The following COL14A1 variants were observed in gnomAD, a reference collection of about 807,000 sequenced individuals.
COL14A1 encodes the protein collagen type XIV alpha 1 chain.
COL14A1 carries 136 observed loss-of-function variants against 230.3 expected under a neutral mutation model. The ratio of observed to expected loss-of-function variants is 0.59; its 90% CI spans 0.51 to 0.68. COL14A1 has a LOEUF of 0.68. Ranked by LOEUF, COL14A1 falls within the 30% of genes least tolerant of loss-of-function variation. COL14A1 has a pLI of 0.00. For missense variants in COL14A1, 1,976 were observed against 2,215.8 expected (o/e 0.89, Z 2.17); for synonymous variants, 792 against 784.1 (o/e 1.01, Z -0.17).
intron 13 of COL14A1, among the ~76,000 whole-genome samples, chr8:120,215,811 T>A (rs1349748901): frequency 6.6e-6 from 1 of 152,118 alleles, no homozygotes; most frequent in African/African-American, 2.4e-5. Flanking sequence ...TTCCATTTGC[T>A]CAGAGGGGAA....
At chr8:120,308,585 T>C (rs1820924676) in intron 36 of COL14A1, among the ~76,000 whole-genome samples, 1 of 152,236 alleles carries the variant, frequency 6.6e-6, no homozygotes, top group Non-Finnish European at 1.5e-5. Flanking sequence ...GTTTTATAAT[T>C]GCATTTTTAA....
intron 34 of COL14A1, among the ~76,000 whole-genome samples, chr8:120,293,541 A>G (rs557327089): frequency 4.6e-5 from 7 of 151,934 alleles, no homozygotes; most frequent in African/African-American, 1.7e-4. Flanking sequence ...TACTCTGTAG[A>G]TAGAGAAACT....
intron 1 of COL14A1, among the ~76,000 whole-genome samples, chr8:120,141,578 G>A (rs1337937069): frequency 6.6e-6 from 1 of 151,978 alleles, no homozygotes; most frequent in Non-Finnish European, 1.5e-5. Context: ...GAAAAAAAGG[G>A]TTTTAAAGAT....
intron 44 of COL14A1, 105 bp from the exon 45 acceptor site, chr8:120,345,270 G>A: frequency 1.0e-6 from 1 of 996,188 alleles, no homozygotes; most frequent in East Asian, 2.9e-5. Flanking sequence ...TTCCCTTGGT[G>A]GGTATCTAAC....
intron 18 of COL14A1, 138 bp downstream of exon 18, chr8:120,228,907 C>A: frequency 2.8e-6 from 2 of 715,888 alleles, no homozygotes; most frequent in South Asian, 1.8e-5. Context: ...GTTCAAATTT[C>A]ACGCCTCTCA....
At chr8:120,257,836 T>C (rs1399330916) in intron 23 of COL14A1, among the ~76,000 whole-genome samples, 1 of 152,212 alleles carries the variant, frequency 6.6e-6, no homozygotes, top group Admixed American at 6.5e-5. Flanking sequence ...CCTTACAGTT[T>C]GATGGGTAAT....
In COL14A1 at chr8:120,207,103, G is replaced by A. The variant is rs1164002685; in HGVS notation, c.1191+9G>A. 1 of 1,604,362 alleles carries A rather than the reference G, an allele frequency of 6.2e-7. No homozygotes were observed. Among genetic ancestry groups the A allele is most frequent in the Non-Finnish European group, 8.5e-7 (1 of 1,176,464 alleles). Reference sequence around the variant, plus strand: ...GTGGAAAACCAGACGAGGTAATAAGGAGAGAGTATTTTCAAACCATTCTTT... The same window carrying A: ...GTGGAAAACCAGACGAGGTAATAAGAAGAGAGTATTTTCAAACCATTCTTT... On this transcript the variant is annotated intron_variant, in intron 10 of 47. Transcript: ENST00000297848.
At position 120,315,527 on chromosome 8, in the gene COL14A1, A is replaced by C; in HGVS notation, c.4552-6A>C. The C allele has an allele frequency of 6.2e-7, 1 of 1,611,888 alleles. No homozygotes were observed. Among genetic ancestry groups the C allele is most frequent in the Non-Finnish European group, 8.5e-7 (1 of 1,178,096 alleles). ...AACTTAACTCTGTATACTTTTGGAT[A>C]TTCAGGGAATGCCAGGAGAAAAAGG... On this transcript the variant is annotated splice_region_variant and splice_polypyrimidine_tract_variant and intron_variant, in intron 38 of 47. Coordinates refer to ENST00000297848, the MANE Select transcript of COL14A1 (RefSeq NM_021110.4).
chr8:120,135,142 T>C (rs77939324), intron 1 of COL14A1, among the ~76,000 whole-genome samples: 5,644 of 152,294 alleles, frequency 0.037, 241 homozygotes, highest in South Asian at 0.14. Context: ...AATTTTTTCA[T>C]ACATGAAAGA....
chr8:120,315,892 C>T, intron 39 of COL14A1, 52 bp from the exon 40 acceptor site: 16 of 1,580,472 alleles, frequency 1.0e-5, no homozygotes, highest in Non-Finnish European at 1.3e-5. Context: ...GCTGCGTGAG[C>T]AGATGACTCA....
intron 19 of COL14A1, among the ~76,000 whole-genome samples, chr8:120,239,615 G>T (rs1189128797): frequency 3.9e-5 from 6 of 152,134 alleles, no homozygotes; most frequent in African/African-American, 7.2e-5. Context: ...AAAATAGATT[G>T]AATTACAAAT....
At chr8:120,288,464 A>G (rs1486702853) in intron 33 of COL14A1, among the ~76,000 whole-genome samples, 1 of 152,160 alleles carries the variant, frequency 6.6e-6, no homozygotes, top group Non-Finnish European at 1.5e-5. Flanking sequence ...AAGTAACACT[A>G]TCTTAATGTG....
intron 45 of COL14A1, among the ~76,000 whole-genome samples, chr8:120,354,839 C>A (rs1822920358): frequency 6.6e-6 from 1 of 152,174 alleles, no homozygotes; most frequent in Admixed American, 6.5e-5. Flanking sequence ...TGCATAACAT[C>A]ATGCTTTATA....
At chr8:120,249,137 C>G (rs933115485) in intron 21 of COL14A1, among the ~76,000 whole-genome samples, 8 of 146,266 alleles carry the variant, frequency 5.5e-5, no homozygotes, top group South Asian at 2.2e-4. Flanking sequence ...TCACCGTGGT[C>G]TCGATCTCCT....
chr8:120,134,330 C>T (rs1017838413), intron 1 of COL14A1, among the ~76,000 whole-genome samples: 15 of 151,698 alleles, frequency 9.9e-5, no homozygotes, highest in African/African-American at 3.1e-4. Flanking sequence ...AATAGAAAAT[C>T]GATAGATTCG....
At chr8:120,251,543 A>C (rs967414832) in intron 22 of COL14A1, among the ~76,000 whole-genome samples, 1 of 152,122 alleles carries the variant, frequency 6.6e-6, no homozygotes, top group Non-Finnish European at 1.5e-5. Flanking sequence ...AGTGGCATAC[A>C]CCACTCCCAG....
At chr8:120,219,898 G>T (rs1340260930) in intron 14 of COL14A1, among the ~76,000 whole-genome samples, 2 of 151,996 alleles carry the variant, frequency 1.3e-5, no homozygotes, top group Admixed American at 6.6e-5. Context: ...GAGAAAATGG[G>T]CTATGAATGA....
chr8:120,195,575 A>G (rs994455830), intron 5 of COL14A1, among the ~76,000 whole-genome samples: 2 of 152,206 alleles, frequency 1.3e-5, no homozygotes, highest in Non-Finnish European at 2.9e-5. Context: ...AAGCGGTTTA[A>G]TGGACTCACA....
intron 2 of COL14A1, among the ~76,000 whole-genome samples, chr8:120,150,297 G>T (rs1374104682): frequency 6.6e-6 from 1 of 152,138 alleles, no homozygotes; most frequent in East Asian, 1.9e-4. Flanking sequence ...ACTCATGGGG[G>T]TTTGAGGGAT....
Sources: allele counts gnomAD v4.1 joint callset (sites outside exome capture counted in the v4.1 genomes callset), GRCh38; gene constraint gnomAD v4.1.1; transcripts MANE v1.5; gene names NCBI Gene and HGNC (gene_info 2026-07-23, HGNC 2026-07-21).